Variants in GRIN2A observed in about 807,000 individuals in gnomAD.
The protein encoded by GRIN2A is glutamate receptor ionotropic, NMDA 2A.
GRIN2A carries 22 observed loss-of-function variants against 113.4 expected under a neutral mutation model. The observed-to-expected ratio is 0.19, with a 90% CI of 0.14 to 0.28. The LOEUF (loss-of-function observed/expected upper bound fraction) is 0.28, where lower values mean the gene tolerates loss of function less well. GRIN2A is among the 10% of genes least tolerant of loss of function. The pLI is 1.00. For synonymous variants in GRIN2A, 827 were observed against 738.4 expected, an observed-to-expected ratio of 1.12 and a Z score of -1.94; for missense variants, 1,502 against 1,887.0, an observed-to-expected ratio of 0.80 and a Z score of 3.78.
chr16:9,844,597 A>G (rs1192900162), intron 5 of GRIN2A, among the ~76,000 whole-genome samples: 1 of 152,214 alleles, frequency 6.6e-6, no homozygotes, highest in African/African-American at 2.4e-5. Context: ...AAAGGGATCC[A>G]ACAAATTGTC....
chr16:9,802,456 A>T (rs1036336255), intron 10 of GRIN2A, among the ~76,000 whole-genome samples: 3 of 152,240 alleles, frequency 2.0e-5, no homozygotes, highest in Non-Finnish European at 2.9e-5. Context: ...GAATTAAAAT[A>T]AATAATAACA....
intron 2 of GRIN2A, among the ~76,000 whole-genome samples, chr16:10,127,907 T>G (rs1471094425): frequency 1.0e-4 from 6 of 59,992 alleles, no homozygotes; most frequent in Admixed American, 2.3e-4. Flanking sequence ...TTTTTTTGCT[T>G]GTGGGGGCCT....
chr16:10,074,062 A>G (rs566596038), intron 2 of GRIN2A, among the ~76,000 whole-genome samples: 2 of 152,362 alleles, frequency 1.3e-5, no homozygotes, highest in African/African-American at 4.8e-5. Context: ...TAAAAAAGGC[A>G]AAGGGTCTCA....
chr16:9,857,823 T>C (rs1203881860), intron 4 of GRIN2A, among the ~76,000 whole-genome samples: 2 of 152,246 alleles, frequency 1.3e-5, no homozygotes, highest in Non-Finnish European at 2.9e-5. Flanking sequence ...TTATTTCATG[T>C]TTTAACTTCA....
rs1044112723 is a variant in GRIN2A at position 9,756,418 on chromosome 16, C to T, written c.*6731G>A. 5 of 230,614 alleles carry T rather than the reference C, an allele frequency of 2.2e-5. No homozygotes were observed. Among genetic ancestry groups the T allele is most frequent in the African/African-American group, 6.6e-5 (3 of 45,192 alleles). 14.3% of individuals were successfully genotyped at this position (230,614 alleles called of 1,614,324 possible). A position where few individuals can be genotyped will look rare whatever the true frequency, so the allele number is the denominator to read the frequency against. ...CAGATCAGGCAATGAGGGGTAAGAC[C>T]CTAACAGACTTCCCTGTCACAGAGG... On this transcript the variant is annotated 3_prime_UTR_variant, in exon 13 of 13. Coordinates refer to ENST00000330684, the MANE Select transcript of GRIN2A (RefSeq NM_001134407.3).
intron 2 of GRIN2A, among the ~76,000 whole-genome samples, chr16:9,969,485 C>G (rs1256221444): frequency 2.0e-5 from 3 of 152,124 alleles, no homozygotes; most frequent in Non-Finnish European, 2.9e-5. Flanking sequence ...TATGCCAATG[C>G]CTTCCAAATC....
chr16:10,140,934 C>T (rs1025360586), intron 2 of GRIN2A, among the ~76,000 whole-genome samples: 1 of 152,148 alleles, frequency 6.6e-6, no homozygotes, highest in Admixed American at 6.5e-5. Flanking sequence ...TGGCTCCTGC[C>T]TGTAATCCCA....
chr16:10,074,812 G>T (rs965420732), intron 2 of GRIN2A, among the ~76,000 whole-genome samples: 1 of 152,168 alleles, frequency 6.6e-6, no homozygotes, highest in African/African-American at 2.4e-5. Context: ...AGTGGTGATG[G>T]TTGCACAATA....
At chr16:9,767,281 T>C (rs147989260) in intron 12 of GRIN2A, among the ~76,000 whole-genome samples, 433 of 152,384 alleles carry the variant, frequency 2.8e-3, no homozygotes, top group African/African-American at 8.1e-3. Flanking sequence ...ACTAAACTAA[T>C]GTGTACCTTC....
chr16:10,104,872 G>C (rs868465704), intron 2 of GRIN2A, among the ~76,000 whole-genome samples: 3 of 152,112 alleles, frequency 2.0e-5, no homozygotes, highest in Admixed American at 6.5e-5. Flanking sequence ...GAGTGTAGGA[G>C]GAAGATTGAC....
chr16:9,893,708 C>A (rs144493348), intron 3 of GRIN2A, among the ~76,000 whole-genome samples: 3,956 of 152,242 alleles, frequency 0.026, 175 homozygotes, highest in African/African-American at 0.09. Flanking sequence ...CTCAGGTGAT[C>A]CGCCTGCCTC....
intron 2 of GRIN2A, among the ~76,000 whole-genome samples, chr16:9,959,333 C>A (rs2173685): frequency 1.3e-5 from 2 of 151,966 alleles, no homozygotes; most frequent in East Asian, 3.9e-4. Context: ...AAACCTAGAG[C>A]GAAATTATGA....
intron 2 of GRIN2A, among the ~76,000 whole-genome samples, chr16:9,959,183 G>C (rs1281859937): frequency 1.3e-5 from 2 of 152,134 alleles, no homozygotes; most frequent in African/African-American, 4.8e-5. Context: ...AAATAGGCTG[G>C]ATTTGCACTC....
chr16:10,093,093 C>T (rs962207062), intron 2 of GRIN2A, among the ~76,000 whole-genome samples: 5 of 152,158 alleles, frequency 3.3e-5, no homozygotes, highest in Non-Finnish European at 7.3e-5. Flanking sequence ...CCCGCCTCAG[C>T]CTCCCAAAGT....
chr16:9,814,708 C>G (rs2141277894), intron 10 of GRIN2A, among the ~76,000 whole-genome samples: 1 of 152,268 alleles, frequency 6.6e-6, no homozygotes, highest in East Asian at 1.9e-4. Context: ...ATCTGAATCA[C>G]TAGAAGCACT....
At chr16:9,902,542 T>A (rs952389043) in intron 3 of GRIN2A, among the ~76,000 whole-genome samples, 2 of 152,192 alleles carry the variant, frequency 1.3e-5, no homozygotes, top group Non-Finnish European at 2.9e-5. Context: ...ATTTCTGCCA[T>A]TTAAAAAAAT....
chr16:10,053,321 T>A (rs2047391180), intron 2 of GRIN2A, among the ~76,000 whole-genome samples: 1 of 152,202 alleles, frequency 6.6e-6, no homozygotes, highest in African/African-American at 2.4e-5. Flanking sequence ...AAAAGGAAGA[T>A]AATATATTTT....
intron 3 of GRIN2A, among the ~76,000 whole-genome samples, chr16:9,896,955 A>T (rs1238884599): frequency 5.3e-5 from 8 of 152,166 alleles, no homozygotes; most frequent in Non-Finnish European, 5.9e-5. Flanking sequence ...GCTTATCTCT[A>T]CAAAATTGAT....
chr16:10,097,500 G>A (rs1344969025), intron 2 of GRIN2A, among the ~76,000 whole-genome samples: 1 of 152,134 alleles, frequency 6.6e-6, no homozygotes, highest in Non-Finnish European at 1.5e-5. Flanking sequence ...GATTGGATCA[G>A]CAGTTTCATT....
Sources: allele counts gnomAD v4.1 joint callset (sites outside exome capture counted in the v4.1 genomes callset), GRCh38; gene constraint gnomAD v4.1.1; transcripts MANE v1.5; gene names NCBI Gene and HGNC (gene_info 2026-07-23, HGNC 2026-07-21).